Variants in NOL4 observed in about 807,000 individuals in gnomAD.
The protein encoded by NOL4 is nucleolar protein 4.
NOL4 carries 17 observed loss-of-function variants against 75.9 expected under a neutral mutation model. The ratio of observed to expected loss-of-function variants is 0.22; its 90% CI spans 0.15 to 0.34. NOL4 has a LOEUF of 0.34. Among genes scored for constraint, NOL4 ranks in the 10% least tolerant of loss-of-function variants. The probability of loss-of-function intolerance (pLI) is 1.00; values close to 1 mark genes in which losing one functional copy is unlikely to be tolerated. For synonymous variants in NOL4, 292 were observed against 289.9 expected (o/e 1.01, Z -0.07); for missense variants, 614 against 793.5 (o/e 0.77, Z 2.72).
chr18:33,871,727 C>T (rs1018439400), intron 10 of NOL4, among the ~76,000 whole-genome samples: 2 of 151,980 alleles, frequency 1.3e-5, no homozygotes, highest in African/African-American at 4.8e-5. Flanking sequence ...TATAAATATC[C>T]ATTTTACTGT....
At chr18:33,861,373 G>C (rs1339343781) in intron 10 of NOL4, among the ~76,000 whole-genome samples, 1 of 152,172 alleles carries the variant, frequency 6.6e-6, no homozygotes, top group Non-Finnish European at 1.5e-5. Flanking sequence ...GAGAGTGTAT[G>C]CGTCAAGGAA....
intron 10 of NOL4, among the ~76,000 whole-genome samples, chr18:33,860,693 G>A (rs1028026702): frequency 2.0e-5 from 3 of 151,798 alleles, no homozygotes; most frequent in African/African-American, 7.3e-5. Context: ...GGTGAGAGAG[G>A]GCATCCCTGT....
intron 9 of NOL4, among the ~76,000 whole-genome samples, chr18:33,942,082 G>A (rs546448733): frequency 6.6e-6 from 1 of 152,030 alleles, no homozygotes; most frequent in South Asian, 2.1e-4. Context: ...CAATGCTGAT[G>A]TAATTCTGAA....
chr18:33,918,229 G>C (rs2066841423), intron 9 of NOL4, among the ~76,000 whole-genome samples: 1 of 152,112 alleles, frequency 6.6e-6, no homozygotes, highest in Non-Finnish European at 1.5e-5. Context: ...CCCCTTTCAT[G>C]TTCTGCACTG....
At chr18:33,998,054 G>T (rs1274135549) in intron 6 of NOL4, among the ~76,000 whole-genome samples, 1 of 151,976 alleles carries the variant, frequency 6.6e-6, no homozygotes, top group Non-Finnish European at 1.5e-5. Flanking sequence ...GATTCCCTAT[G>T]TGAAATGTCT....
At chr18:34,210,972 T>C (rs796603160) in intron 1 of NOL4, among the ~76,000 whole-genome samples, 21 of 152,222 alleles carry the variant, frequency 1.4e-4, no homozygotes, top group African/African-American at 5.1e-4. Flanking sequence ...CCCCCTCTGC[T>C]ATCTTATCAT....
At chr18:33,910,380 C>T (rs1157582699) in intron 9 of NOL4, among the ~76,000 whole-genome samples, 1 of 152,018 alleles carries the variant, frequency 6.6e-6, no homozygotes, top group Non-Finnish European at 1.5e-5. Flanking sequence ...AGTGCGTGGC[C>T]TATTTATTTC....
At chr18:33,894,640 C>G (rs576994819) in intron 9 of NOL4, among the ~76,000 whole-genome samples, 25 of 152,230 alleles carry the variant, frequency 1.6e-4, no homozygotes, top group African/African-American at 6.0e-4. Flanking sequence ...AGAATTTTAT[C>G]AAACTCTTCA....
intron 5 of NOL4, among the ~76,000 whole-genome samples, chr18:34,089,655 C>T (rs966082160): frequency 6.6e-6 from 1 of 152,170 alleles, no homozygotes; most frequent in Admixed American, 6.5e-5. Flanking sequence ...GGCACTGATT[C>T]CTAGGCTTTT....
chr18:34,161,630 C>T (rs758389383), intron 1 of NOL4, among the ~76,000 whole-genome samples: 2 of 151,844 alleles, frequency 1.3e-5, no homozygotes, highest in Admixed American at 6.6e-5. Flanking sequence ...ACTTGTTGGC[C>T]ATTTGTACAT....
At chr18:34,127,448 G>C (rs1226078990) in intron 2 of NOL4, among the ~76,000 whole-genome samples, 2 of 151,822 alleles carry the variant, frequency 1.3e-5, no homozygotes, top group South Asian at 2.1e-4. Context: ...CATCATGCAT[G>C]CTCTATAAGC....
intron 6 of NOL4, among the ~76,000 whole-genome samples, chr18:34,019,031 C>G (rs2074874280): frequency 6.6e-6 from 1 of 151,942 alleles, no homozygotes; most frequent in Non-Finnish European, 1.5e-5. Context: ...AACAAATTCC[C>G]AGAGAGATTC....
intron 5 of NOL4, among the ~76,000 whole-genome samples, chr18:34,051,050 T>G (rs1000281296): frequency 1.1e-4 from 17 of 151,988 alleles, no homozygotes; most frequent in African/African-American, 3.9e-4. Context: ...TAAGAGTATC[T>G]TTATGAGAAT....
At chr18:33,994,508 T>A (rs1293297039) in intron 6 of NOL4, among the ~76,000 whole-genome samples, 1 of 151,800 alleles carries the variant, frequency 6.6e-6, no homozygotes, top group Non-Finnish European at 1.5e-5. Flanking sequence ...CTCACAAATA[T>A]GTAGAAATTA....
intron 5 of NOL4, among the ~76,000 whole-genome samples, chr18:34,047,317 T>C (rs2076424637): frequency 6.6e-6 from 1 of 152,104 alleles, no homozygotes. Flanking sequence ...TGTAATGTTA[T>C]TTGTAGTGTG....
At chr18:34,101,762 G>GT (rs893303165) in intron 4 of NOL4, among the ~76,000 whole-genome samples, 85 of 151,182 alleles carry the variant, frequency 5.6e-4, no homozygotes, top group East Asian at 3.1e-3. Context: ...CCTGCATCCA[G>GT]TTTTTTTTTC....
chr18:34,066,721 T>C (rs1304550841), intron 5 of NOL4, among the ~76,000 whole-genome samples: 2 of 151,584 alleles, frequency 1.3e-5, no homozygotes, highest in Non-Finnish European at 2.9e-5. Flanking sequence ...AGTATAAGTG[T>C]ATGTTCCTTT....
At chr18:34,066,598 C>T (rs951149846) in intron 5 of NOL4, among the ~76,000 whole-genome samples, 3 of 151,574 alleles carry the variant, frequency 2.0e-5, no homozygotes, top group Non-Finnish European at 4.4e-5. Context: ...CATGTCAAAT[C>T]AGTACTAAAG....
At chr18:34,018,373 G>C (rs1370710948) in intron 6 of NOL4, among the ~76,000 whole-genome samples, 4 of 152,100 alleles carry the variant, frequency 2.6e-5, no homozygotes, top group Non-Finnish European at 4.4e-5. Context: ...TTGCTTAAAA[G>C]AGGATAAAAC....
Sources: allele counts gnomAD v4.1 joint callset (sites outside exome capture counted in the v4.1 genomes callset), GRCh38; gene constraint gnomAD v4.1.1; transcripts MANE v1.5; gene names NCBI Gene and HGNC (gene_info 2026-07-23, HGNC 2026-07-21).